The following GPC6 variants were observed in gnomAD, a reference collection of about 807,000 sequenced individuals.
GPC6 encodes the protein glypican-6.
GPC6 carries 14 observed loss-of-function variants against 55.2 expected under a neutral mutation model. That is an observed-to-expected ratio of 0.25 (90% CI 0.17 to 0.40). GPC6 has a LOEUF of 0.40. Ranked by LOEUF, GPC6 falls within the 10% of genes least tolerant of loss-of-function variation. The probability of loss-of-function intolerance (pLI) is 1.00; values close to 1 mark genes in which losing one functional copy is unlikely to be tolerated. For synonymous variants in GPC6, 278 were observed against 259.6 expected (o/e 1.07, Z -0.68); for missense variants, 641 against 708.5 (o/e 0.90, Z 1.08).
chr13:93,833,450 G>T (rs560399849), intron 3 of GPC6, among the ~76,000 whole-genome samples: 2 of 152,232 alleles, frequency 1.3e-5, no homozygotes, highest in Admixed American at 1.3e-4. Context: ...CCTCTTTATG[G>T]TCTATTAATT....
At chr13:94,268,016 G>A (rs1891871036) in intron 4 of GPC6, among the ~76,000 whole-genome samples, 1 of 152,134 alleles carries the variant, frequency 6.6e-6, no homozygotes, top group Admixed American at 6.5e-5. Context: ...GAGGCTAGTG[G>A]GGTTGCTAAA....
rs138596843 is a variant in GPC6, at chr13:94,136,549, A to T, written c.877+108655A>T. Among the ~76,000 whole-genome samples the T allele has an allele frequency of 2.7e-3, 412 of 152,198 alleles. 1 individual carries two copies. The highest frequency in any genetic ancestry group is 7.9e-3 in the East Asian group (41 of 5,162). On this transcript the variant is annotated intron_variant, in intron 4 of 8. Transcript: ENST00000377047. ...CATGGTGAAACCCTGTCTCTACTAA[A>T]AATACAAAAAATTAGTTGGGTATGG...
At chr13:93,882,389 C>T (rs1875048046) in intron 3 of GPC6, among the ~76,000 whole-genome samples, 1 of 152,002 alleles carries the variant, frequency 6.6e-6, no homozygotes, top group African/African-American at 2.4e-5. Context: ...TCAAACGACC[C>T]ACCCCTCAGG....
chr13:93,493,409 CTCTT>C (rs1474978304), intron 1 of GPC6, among the ~76,000 whole-genome samples: 2 of 90,472 alleles, frequency 2.2e-5, no homozygotes, highest in Non-Finnish European at 4.6e-5. Context: ...TGATTCTTCT[CTCTT>C]TTTTTCTTTA....
chr13:94,195,943 T>C (rs960632249), intron 4 of GPC6, among the ~76,000 whole-genome samples: 4 of 152,256 alleles, frequency 2.6e-5, no homozygotes, highest in African/African-American at 9.6e-5. Context: ...TCCTGAGATA[T>C]GGCCCAAAGC....
At chr13:93,571,978 G>T (rs1876428458) in intron 2 of GPC6, among the ~76,000 whole-genome samples, 1 of 152,130 alleles carries the variant, frequency 6.6e-6, no homozygotes. Flanking sequence ...TTATAACTCT[G>T]CAAAGTGGCA....
In GPC6 at chr13:94,392,515, C is replaced by T. The variant is rs547738921; in HGVS notation, c.1290-5951C>T. Among the ~76,000 whole-genome samples, 10 of 151,002 alleles carry T rather than the reference C, an allele frequency of 6.6e-5. No individual in the cohort carries two copies. The East Asian group carries it at 1.2e-3, about 18-fold the overall frequency. The stretch of plus-strand genomic sequence containing the variant: ...CGTGATCTCAGCTCACCACAACCTC[C>T]GCATCCCAGGTTCAAGTGATTCTCC... On this transcript the variant is annotated intron_variant, in intron 7 of 8. Coordinates refer to ENST00000377047, the MANE Select transcript of GPC6 (RefSeq NM_005708.5).
At chr13:93,709,999 G>T (rs541899243) in intron 2 of GPC6, among the ~76,000 whole-genome samples, 5 of 151,792 alleles carry the variant, frequency 3.3e-5, no homozygotes, top group Non-Finnish European at 7.4e-5. Context: ...AATTACAAGG[G>T]TTTACATAGC....
At chr13:93,464,935 A>C (rs371661551) in intron 1 of GPC6, among the ~76,000 whole-genome samples, 1 of 152,230 alleles carries the variant, frequency 6.6e-6, no homozygotes, top group East Asian at 1.9e-4. Flanking sequence ...TTGTGTTAGC[A>C]GGAATCAAAA....
chr13:94,106,963 G>A (rs969000487), intron 4 of GPC6, among the ~76,000 whole-genome samples: 1 of 152,146 alleles, frequency 6.6e-6, no homozygotes, highest in Non-Finnish European at 1.5e-5. Context: ...CTCTAGAAAT[G>A]CCTAGTAGAC....
intron 4 of GPC6, among the ~76,000 whole-genome samples, chr13:94,208,454 T>C (rs911119924): frequency 3.9e-5 from 6 of 151,934 alleles, no homozygotes; most frequent in Non-Finnish European, 7.4e-5. Flanking sequence ...ATGGAAAACT[T>C]TTGGAAGGAG....
intron 3 of GPC6, among the ~76,000 whole-genome samples, chr13:93,939,720 G>T (rs1878633752): frequency 6.6e-6 from 1 of 151,958 alleles, no homozygotes; most frequent in Non-Finnish European, 1.5e-5. Flanking sequence ...AAAGTGCTAG[G>T]ATTACAGGCA....
At chr13:94,160,434 T>G (rs975566591) in intron 4 of GPC6, among the ~76,000 whole-genome samples, 1 of 152,230 alleles carries the variant, frequency 6.6e-6, no homozygotes, top group Non-Finnish European at 1.5e-5. Flanking sequence ...CAGGGCCAGC[T>G]ACATAATTTT....
intron 4 of GPC6, among the ~76,000 whole-genome samples, chr13:94,070,980 T>G (rs1260767276): frequency 3.3e-5 from 5 of 152,104 alleles, no homozygotes; most frequent in African/African-American, 1.2e-4. Flanking sequence ...CTTCCCAGAG[T>G]GCTGTGTTGA....
chr13:93,303,872 A>ATTTT (rs33964040), intron 1 of GPC6, among the ~76,000 whole-genome samples: 5 of 128,936 alleles, frequency 3.9e-5, no homozygotes, highest in African/African-American at 8.8e-5. Context: ...TGTAGATACT[A>ATTTT]TTTTTTTTTT....
At chr13:93,932,973 C>CTTT (rs59362571) in intron 3 of GPC6, among the ~76,000 whole-genome samples, 11 of 102,374 alleles carry the variant, frequency 1.1e-4, no homozygotes, top group South Asian at 3.2e-4. Context: ...TTGTTTTGTT[C>CTTT]TTTTTTTTTT....
chr13:93,288,129 A>T (rs763539040), intron 1 of GPC6, among the ~76,000 whole-genome samples: 2 of 152,216 alleles, frequency 1.3e-5, no homozygotes, highest in African/African-American at 2.4e-5. Flanking sequence ...TTGAAACTAC[A>T]AAGTAATACT....
At chr13:93,595,802 T>G (rs943922410) in intron 2 of GPC6, among the ~76,000 whole-genome samples, 1 of 152,236 alleles carries the variant, frequency 6.6e-6, no homozygotes, top group Non-Finnish European at 1.5e-5. Flanking sequence ...GAATATTAAG[T>G]GACATCACAT....
intron 2 of GPC6, among the ~76,000 whole-genome samples, chr13:93,650,107 A>G (rs976501054): frequency 2.0e-5 from 3 of 152,194 alleles, no homozygotes; most frequent in Non-Finnish European, 2.9e-5. Flanking sequence ...ATGGATCCTC[A>G]AACTCTTGCT....
Sources: gnomAD v4.1 joint callset for allele counts (sites outside exome capture counted in the v4.1 genomes callset) on GRCh38, gnomAD v4.1.1 for gene constraint, MANE v1.5 for transcripts, NCBI Gene and HGNC (gene_info 2026-07-23, HGNC 2026-07-21) for gene names.